The following MSN variants were observed in gnomAD, a reference collection of about 807,000 sequenced individuals.
MSN encodes the protein moesin, also known as epididymis luminal protein 70.
MSN carries 2 observed loss-of-function variants against 48.0 expected under a neutral mutation model. The ratio of observed to expected loss-of-function variants is 0.04; its 90% CI spans 0.02 to 0.13. The LOEUF (loss-of-function observed/expected upper bound fraction) is 0.13. Among genes scored for constraint, MSN ranks in the 10% least tolerant of loss-of-function variants. The probability of loss-of-function intolerance (pLI) is 1.00; values close to 1 mark genes in which losing one functional copy is unlikely to be tolerated. For missense variants in MSN, 267 were observed against 470.1 expected, an observed-to-expected ratio of 0.57 and a Z score of 3.99; for synonymous variants, 146 against 166.9, an observed-to-expected ratio of 0.87 and a Z score of 0.97.
Position 65,729,441 on chromosome X carries a change from A to G in MSN, c.196A>G (p.Thr66Ala). ...CCATAACCCTTACTCTTCCCAGGTG[A>G]CTGCCCAGGATGTGCGGAAGGAAAG... ...STWLKLNKKV[T>A]AQDVRKESPL... Residue 66 changes from threonine to alanine, a missense_variant, in exon 4 of 13, where the codon ACT becomes GCT. Thr to Ala is a moderately conservative substitution (Grantham distance 58). This residue lies in a region of MSN where 89 missense variants were observed against 151.0 expected (regional missense o/e 0.59). Transcript: ENST00000360270. 1 of 1,209,616 alleles carries G rather than the reference A, an allele frequency of 8.3e-7. No homozygotes were observed. Among genetic ancestry groups the G allele is most frequent in the South Asian group, 1.8e-5 (1 of 56,814 alleles).
rs766350556 is a variant in MSN, at chrX:65,733,291, C to T, written c.795+11C>T. 8.5e-7 allele frequency: 1 copy of T among 1,172,360 alleles called. No individual in the cohort carries two copies. The highest frequency in any genetic ancestry group is 1.8e-5 in the South Asian group (1 of 55,978). On this transcript the variant is annotated intron_variant, in intron 7 of 12. Transcript: ENST00000360270. ...GACAAAAAAGCCCCGGTGAGTGATT[C>T]CTCCCTCTGACCAAGACAGGTACTT...
chrX:65,702,653 G>A (rs1178502476), intron 1 of MSN, among the ~76,000 whole-genome samples: 1 of 96,430 alleles, frequency 1.0e-5, no homozygotes, highest in Non-Finnish European at 1.9e-5. Flanking sequence ...GTGACAGAGT[G>A]AGACTCTGTC....
At chrX:65,667,067 C>T (rs188818938), upstream of MSN, among the ~76,000 whole-genome samples, 1 of 111,339 alleles carries the variant, frequency 9.0e-6, no homozygotes, top group East Asian at 2.8e-4. Context: ...GAGAGTCCTA[C>T]GGAAGAGAAT....
intron 1 of MSN, among the ~76,000 whole-genome samples, chrX:65,631,377 A>G (rs1226883025): frequency 1.8e-5 from 2 of 110,404 alleles, no homozygotes; most frequent in African/African-American, 6.7e-5. Flanking sequence ...TACAGATGTG[A>G]GCCACCGTGC....
At chrX:65,618,593 ATG>A (rs1208329800) in intron 1 of MSN, among the ~76,000 whole-genome samples, 1 of 111,086 alleles carries the variant, frequency 9.0e-6, no homozygotes. Context: ...TTTTGAGCCT[ATG>A]TGTGTCTCTG....
intron 1 of MSN, among the ~76,000 whole-genome samples, chrX:65,694,543 G>C (rs1159027195): frequency 9.1e-6 from 1 of 109,931 alleles, no homozygotes; most frequent in Non-Finnish European, 1.9e-5. Flanking sequence ...GTCCAGGCTA[G>C]TTCTGGAACT....
At position 65,685,230 on chromosome X, in the gene MSN, C is replaced by T. The variant is rs142266519; in HGVS notation, c.12+17377C>T. Among the ~76,000 whole-genome samples, 23 of 112,235 alleles carry T rather than the reference C, an allele frequency of 2.0e-4. No individual in the cohort carries two copies. In the East Asian group the frequency reaches 6.2e-3, roughly 30 times the overall value. On this transcript the variant is annotated intron_variant, in intron 1 of 12. Transcript: ENST00000360270. ...CCCTTTCTATGCTCAGTAGGCCCCA[C>T]CTATAGAGATTGCTTTAGATCCTGT...
intron 1 of MSN, among the ~76,000 whole-genome samples, chrX:65,675,979 G>GT (rs1366507434): frequency 2.7e-5 from 3 of 112,822 alleles, no homozygotes; most frequent in Non-Finnish European, 1.9e-5. Context: ...TGTTGCCTAA[G>GT]TAGGTATGTG....
At chrX:65,614,240 T>C (rs1226505439) in intron 1 of MSN, among the ~76,000 whole-genome samples, 2 of 111,949 alleles carry the variant, frequency 1.8e-5, no homozygotes, top group Non-Finnish European at 3.8e-5. Context: ...ATATCTGTTT[T>C]GGTACCAGTA....
chrX:65,735,494 T>C (rs2071667092), intron 8 of MSN, 64 bp downstream of exon 8: 1 of 1,126,689 alleles, frequency 8.9e-7, no homozygotes. Flanking sequence ...AAAGGTGCCC[T>C]GCATGCTAAG....
intron 2 of MSN, among the ~76,000 whole-genome samples, chrX:65,721,969 C>G (rs1269117417): frequency 8.9e-6 from 1 of 111,766 alleles, no homozygotes; most frequent in East Asian, 2.8e-4. Context: ...GTAGTCCTAG[C>G]TACTTGGGTG....
At chrX:65,642,560 C>T (rs904090092) in intron 1 of MSN, among the ~76,000 whole-genome samples, 2 of 111,755 alleles carry the variant, frequency 1.8e-5, no homozygotes, top group Non-Finnish European at 3.8e-5. Flanking sequence ...AGCAAGTAGG[C>T]TGAGAGGGAG....
At chrX:65,598,115 G>T (rs1336611916) in intron 1 of MSN, among the ~76,000 whole-genome samples, 3 of 111,259 alleles carry the variant, frequency 2.7e-5, no homozygotes, top group Non-Finnish European at 5.7e-5. Flanking sequence ...AACTATTTTG[G>T]ATTGGAAGTT....
At chrX:65,648,278 C>T (rs895718356) in intron 1 of MSN, among the ~76,000 whole-genome samples, 3 of 112,186 alleles carry the variant, frequency 2.7e-5, no homozygotes, top group Non-Finnish European at 3.8e-5. Context: ...CTTTGGGAGG[C>T]GCGGTGGCTC....
At chrX:65,718,933 A>C (rs950286562) in intron 2 of MSN, among the ~76,000 whole-genome samples, 1 of 109,939 alleles carries the variant, frequency 9.1e-6, no homozygotes, top group Non-Finnish European at 1.9e-5. Context: ...ACTTCTCTGG[A>C]GTTTGTTTTG....
chrX:65,737,945 G>T (rs753569648), intron 10 of MSN, among the ~76,000 whole-genome samples: 6 of 112,328 alleles, frequency 5.3e-5, no homozygotes, highest in Non-Finnish European at 9.4e-5. Context: ...CAGAAGTTAA[G>T]AACCTGTGGT....
chrX:65,657,032 G>A (rs1042571593), intron 1 of MSN, among the ~76,000 whole-genome samples: 1 of 111,890 alleles, frequency 8.9e-6, no homozygotes, highest in African/African-American at 3.2e-5. Flanking sequence ...CTGGAGGCAG[G>A]GAGACGAGGG....
intron 2 of MSN, among the ~76,000 whole-genome samples, chrX:65,727,093 G>A (rs918549680): frequency 9.0e-6 from 1 of 111,641 alleles, no homozygotes; most frequent in African/African-American, 3.3e-5. Flanking sequence ...ACTTGGCTCT[G>A]ATCAGGGTTG....
intron 1 of MSN, among the ~76,000 whole-genome samples, chrX:65,603,877 A>G (rs780985196): frequency 4.1e-4 from 46 of 112,235 alleles, no homozygotes; most frequent in Non-Finnish European, 7.5e-4. Flanking sequence ...TTGAGAGATC[A>G]TTATTAACAA....
Sources: allele counts gnomAD v4.1 joint callset (sites outside exome capture counted in the v4.1 genomes callset), GRCh38; gene constraint gnomAD v4.1.1; regional missense constraint gnomAD v4.1.1; transcripts MANE v1.5; gene names NCBI Gene and HGNC (gene_info 2026-07-23, HGNC 2026-07-21).